Variants in ZBTB25 observed in about 807,000 individuals in gnomAD.
ZBTB25 encodes zinc finger and BTB domain-containing protein 25.
A neutral mutation model predicts 34.2 loss-of-function variants in ZBTB25; 20 were observed. The observed-to-expected ratio is 0.58, with a 90% CI of 0.41 to 0.85. The LOEUF is 0.85. Among genes scored for constraint, ZBTB25 ranks in the 40% least tolerant of loss-of-function variants. The pLI is 0.00. For missense variants in ZBTB25, 437 were observed against 521.8 expected (o/e 0.84, Z 1.58); for synonymous variants, 175 against 186.4 (o/e 0.94, Z 0.50).
rs1801340 is a variant in ZBTB25, at chr14:64,459,902, A to C, written c.174-10264T>G. On this transcript the variant is annotated intron_variant, in intron 2 of 2. Transcript: ENST00000555220. Reference sequence around the variant, plus strand: ...AACTAATAGTAGGAGTTTCCCCAGAAGTCATTTTCAGCCTTAATTCTCATC... The same window carrying C: ...AACTAATAGTAGGAGTTTCCCCAGACGTCATTTTCAGCCTTAATTCTCATC... The C allele has an allele frequency of 8.2e-3, 12,613 of 1,535,958 alleles. 853 individuals carry two copies. The African/African-American group carries it at 0.15, about 18-fold the overall frequency.
chr14:64,490,494 G>A lies in ZBTB25; in HGVS notation c.40C>T (p.Leu14=). The A allele has an allele frequency of 6.2e-7, 1 of 1,613,666 alleles. No individual in the cohort carries two copies. The highest frequency in any genetic ancestry group is 8.5e-7 in the Non-Finnish European group (1 of 1,179,720). The part of the protein sequence containing the change: ...ASHSLVLLQQ[L]NMQREFGFLC... ...AAACCAAATTCTCGCTGCATGTTCAGCTGCTGGAGAAGAACAAGGCTATGG... is the reference window on the plus strand; with the variant it reads ...AAACCAAATTCTCGCTGCATGTTCAACTGCTGGAGAAGAACAAGGCTATGG... The change falls in exon 2 of 3, where the codon CTG becomes TTG. Residue 14 remains leucine, a synonymous_variant. Transcript: ENST00000608382.
At chr14:64,494,954 T>C (rs1314383928) in intron 1 of ZBTB25, among the ~76,000 whole-genome samples, 1 of 152,252 alleles carries the variant, frequency 6.6e-6, no homozygotes, top group Non-Finnish European at 1.5e-5. Context: ...TTTTCAGATG[T>C]AAAATTTTCA....
At chr14:64,503,495 C>G in intron 1 of ZBTB25, 166 bp downstream of exon 1, 1 of 985,418 alleles carries the variant, frequency 1.0e-6, no homozygotes, top group Non-Finnish European at 1.2e-6. Context: ...GATGTATTTT[C>G]CTCCTGTGCC....
Position 64,503,726 on chromosome 14 carries a change from C to T in ZBTB25, c.-73G>A. The stretch of plus-strand genomic sequence containing the variant: ...GAGGGGCGGGCTCCCAAGCCGCGCA[C>T]TGCAAGCAGTGGCGCCGGCTCACGC... On this transcript the variant is annotated 5_prime_UTR_variant, in exon 1 of 3. The change creates a new upstream start codon in the 5' untranslated region. Transcript: ENST00000608382. 1.8e-6 allele frequency: 1 copy of T among 564,248 alleles called. No individual in the cohort carries two copies. Among genetic ancestry groups the T allele is most frequent in the South Asian group, 7.6e-5 (1 of 13,076 alleles). The allele number at this position is 564,248 out of a possible 1,614,324, so 35.0% of individuals were successfully genotyped here.
chr14:64,460,123 C>A, intron 2 of ZBTB25: 1 of 582,988 alleles, frequency 1.7e-6, no homozygotes, highest in Non-Finnish European at 3.0e-6. Context: ...TGCAGTGTGC[C>A]CTTTATGATA....
At chr14:64,490,690 T>C (rs906090904) in intron 1 of ZBTB25, 150 bp from the exon 2 acceptor site, 1 of 718,814 alleles carries the variant, frequency 1.4e-6, no homozygotes, top group Non-Finnish European at 2.2e-6. Context: ...TTCAATCCTA[T>C]TACTTTCACT....
At chr14:64,466,288 G>T (rs1224159033) in intron 2 of ZBTB25, among the ~76,000 whole-genome samples, 2 of 152,222 alleles carry the variant, frequency 1.3e-5, no homozygotes, top group African/African-American at 4.8e-5. Context: ...TCTACAGACT[G>T]CATTATTTTC....
intron 1 of ZBTB25, among the ~76,000 whole-genome samples, chr14:64,500,673 T>C (rs1221005763): frequency 6.6e-6 from 1 of 152,174 alleles, no homozygotes; most frequent in Middle Eastern, 3.4e-3. Flanking sequence ...CAGACGTCTG[T>C]AATCCCAGCT....
Position 64,501,089 on chromosome 14 carries a change from A to C in ZBTB25, c.-8+2572T>G, listed in dbSNP as rs556761145. ...ACAAAAAAAACCCCAGAAGTATAAA[A>C]AAATTTAATCAATAATCCTGAAACT... is the stretch of plus-strand genomic sequence containing the variant. On this transcript the variant is annotated intron_variant, in intron 1 of 2. Coordinates refer to ENST00000608382, the MANE Select transcript of ZBTB25 (RefSeq NM_006977.5). Among the ~76,000 whole-genome samples, 14 of 152,268 alleles carry C rather than the reference A, an allele frequency of 9.2e-5. No individual in the cohort carries two copies. The South Asian group carries it at 2.9e-3, about 32-fold the overall frequency.
intron 2 of ZBTB25, chr14:64,463,155 C>T (rs1279486277): frequency 6.6e-6 from 1 of 151,604 alleles, no homozygotes; most frequent in Non-Finnish European, 1.5e-5. Context: ...ATAGCTTAAA[C>T]AGCCTTCGTT....
chr14:64,459,950 T>G (rs1044740421), intron 2 of ZBTB25: 43 of 1,526,970 alleles, frequency 2.8e-5, no homozygotes, highest in Non-Finnish European at 3.2e-5. Flanking sequence ...ACATAAATCA[T>G]GCATGTCTGT....
At chr14:64,500,355 A>G (rs1394651813) in intron 1 of ZBTB25, among the ~76,000 whole-genome samples, 2 of 151,954 alleles carry the variant, frequency 1.3e-5, no homozygotes. Context: ...CAGAAAAAAT[A>G]AAACATCCAT....
chr14:64,468,456 G>A, intron 2 of ZBTB25: 3 of 1,614,036 alleles, frequency 1.9e-6, no homozygotes, highest in Non-Finnish European at 8.5e-7. Flanking sequence ...TCAGCAGAAG[G>A]TAGTCCTGGG....
chr14:64,503,029 C>A (rs1212342179), intron 1 of ZBTB25: 1 of 985,234 alleles, frequency 1.0e-6, no homozygotes, highest in Non-Finnish European at 1.2e-6. Context: ...CCGTCAGGTT[C>A]CAGGTACTAC....
At chr14:64,474,514 G>T (rs941344215), downstream of ZBTB25, 6 of 166,848 alleles carry the variant, frequency 3.6e-5, no homozygotes, top group Non-Finnish European at 5.9e-5. Context: ...TGTTTATTCA[G>T]ATCTTTTAAA....
Position 64,500,454 on chromosome 14 carries a change from C to CAA in ZBTB25, c.-8+3205_-8+3206dup, listed in dbSNP as rs374975040. Among the ~76,000 whole-genome samples, 364 of 52,008 alleles carry CAA rather than the reference C, an allele frequency of 7.0e-3. 3 individuals are homozygous for CAA. Among genetic ancestry groups the CAA allele is most frequent in the African/African-American group, 0.019 (235 of 12,214 alleles). 34.1% of individuals were successfully genotyped at this position (52,008 alleles called of 152,430 possible). ...CTAAGCACTTTTTCTCCCAATAAAG[C>CAA]AAAAAAAAAAAAAAAAAAAAAAGAG... On this transcript the variant is annotated intron_variant, in intron 1 of 2. Coordinates refer to ENST00000608382, the MANE Select transcript of ZBTB25 (RefSeq NM_006977.5).
Position 64,485,019 on chromosome 14 carries a change from C to CA in ZBTB25, c.*1903dup, listed in dbSNP as rs1030067604. On this transcript the variant is annotated 3_prime_UTR_variant, in exon 3 of 3. Transcript: ENST00000608382. ...TCAAGTTAGATGTGCTCTCAACACA[C>CA]ATCAGTCTTAACCATAGGAGCCTTT... 1.2e-5 allele frequency: 12 copies of CA among 985,358 alleles called. No homozygotes were observed. The highest frequency in any genetic ancestry group is 1.2e-5 in the Non-Finnish European group (10 of 829,946). The allele number at this position is 985,358 out of a possible 1,614,324, so 61.0% of individuals were successfully genotyped here. A position where few individuals can be genotyped will look rare whatever the true frequency, so the allele number is the denominator to read the frequency against.
At position 64,487,843 on chromosome 14, in the gene ZBTB25, C is replaced by A; in HGVS notation, c.388G>T (p.Gly130Cys). The part of the protein sequence containing the change: ...PETVQSSNLY[G>C]IQISTTQKTV... ...TTTTGGGTTGTTGAGATCTGAATGC[C>A]ATATAAATTTGAGGACTGCACAGTC... The change falls in exon 3 of 3, where the codon GGC (glycine) becomes TGC (cysteine). Residue 130 changes from glycine (G) to cysteine (C), a missense_variant. Transcript: ENST00000608382. The A allele has an allele frequency of 6.2e-7, 1 of 1,614,078 alleles. No individual in the cohort carries two copies. Among genetic ancestry groups the A allele is most frequent in the Non-Finnish European group, 8.5e-7 (1 of 1,180,010 alleles).
chr14:64,493,395 G>C (rs1364383675), intron 1 of ZBTB25, among the ~76,000 whole-genome samples: 1 of 152,110 alleles, frequency 6.6e-6, no homozygotes, highest in Non-Finnish European at 1.5e-5. Flanking sequence ...TAACTTATAG[G>C]TTATTTGAAT....
Sources: allele counts gnomAD v4.1 joint callset (sites outside exome capture counted in the v4.1 genomes callset), GRCh38; gene constraint gnomAD v4.1.1; transcripts MANE v1.5; gene names NCBI Gene and HGNC (gene_info 2026-07-23, HGNC 2026-07-21).